The following CREB3L2 variants were observed in gnomAD, a reference collection of about 807,000 sequenced individuals.
CREB3L2 encodes the protein cyclic AMP-responsive element-binding protein 3-like protein 2.
CREB3L2 carries 23 observed loss-of-function variants against 57.2 expected under a neutral mutation model. That is an observed-to-expected ratio of 0.40 (90% CI 0.29 to 0.57). The LOEUF is 0.57. Among genes scored for constraint, CREB3L2 ranks in the 20% least tolerant of loss-of-function variants. The probability of loss-of-function intolerance (pLI) is 0.42; values close to 1 mark genes in which losing one functional copy is unlikely to be tolerated. For synonymous variants in CREB3L2, 268 were observed against 265.1 expected (o/e 1.01, Z -0.11); for missense variants, 628 against 634.7 (o/e 0.99, Z 0.11).
rs532139233 is a variant in CREB3L2, at chr7:137,879,168, TA to T, written c.*1307del. 239 of 444,602 alleles carry T rather than the reference TA, an allele frequency of 5.4e-4. No individual in the cohort carries two copies. Among genetic ancestry groups the T allele is most frequent in the Admixed American group, 1.6e-3 (55 of 34,896 alleles). 27.5% of individuals were successfully genotyped at this position (444,602 alleles called of 1,614,324 possible). On this transcript the variant is annotated 3_prime_UTR_variant, in exon 12 of 12. Transcript: ENST00000330387. ...AAACTACAAAAGTTACTTTTAACCATAAAAAAAAAACAAAAAAACTAAAAGT... is the reference window on the plus strand; with the variant it reads ...AAACTACAAAAGTTACTTTTAACCATAAAAAAAAACAAAAAAACTAAAAGT...
chr7:137,978,623 C>T (rs1173707751), intron 1 of CREB3L2, among the ~76,000 whole-genome samples: 3 of 152,128 alleles, frequency 2.0e-5, no homozygotes, highest in East Asian at 1.9e-4. Flanking sequence ...GGGAAAAGAA[C>T]GTAAGACACT....
intron 1 of CREB3L2, among the ~76,000 whole-genome samples, chr7:137,989,984 G>A (rs916590474): frequency 1.3e-5 from 2 of 152,172 alleles, no homozygotes; most frequent in Non-Finnish European, 2.9e-5. Flanking sequence ...GAAATAGCCA[G>A]CCAGAAGATC....
At chr7:137,982,016 AG>A (rs1387255520) in intron 1 of CREB3L2, among the ~76,000 whole-genome samples, 1 of 152,082 alleles carries the variant, frequency 6.6e-6, no homozygotes, top group Admixed American at 6.5e-5. Flanking sequence ...GGAATGCTCC[AG>A]GGGGATGGGG....
chr7:137,913,143 G>A (rs1284505602), intron 3 of CREB3L2, 65 bp from the exon 4 acceptor site: 73 of 1,508,756 alleles, frequency 4.8e-5, no homozygotes, highest in Non-Finnish European at 9.0e-6. Flanking sequence ...ACATGCAGGA[G>A]AGCTATTTGT....
intron 1 of CREB3L2, among the ~76,000 whole-genome samples, chr7:137,931,897 T>A (rs1248436225): frequency 6.6e-6 from 1 of 152,250 alleles, no homozygotes; most frequent in Non-Finnish European, 1.5e-5. Flanking sequence ...TTTTACATGG[T>A]TGCTGCTGTA....
intron 1 of CREB3L2, among the ~76,000 whole-genome samples, chr7:137,994,134 A>C (rs1034747576): frequency 1.3e-5 from 2 of 152,216 alleles, no homozygotes; most frequent in African/African-American, 2.4e-5. Context: ...TCCCTCACTC[A>C]TAAGATCACT....
chr7:137,904,048 A>G, intron 6 of CREB3L2, 31 bp from the exon 7 acceptor site: 2 of 1,569,560 alleles, frequency 1.3e-6, no homozygotes, highest in Non-Finnish European at 1.8e-6. Context: ...GAGAATGATT[A>G]ATTTCCAGCT....
intron 1 of CREB3L2, among the ~76,000 whole-genome samples, chr7:137,973,968 A>T (rs1004403380): frequency 8.5e-5 from 13 of 152,210 alleles, no homozygotes; most frequent in African/African-American, 3.1e-4. Flanking sequence ...GCCAAGACCG[A>T]GAAATGATGG....
Position 137,877,766 on chromosome 7 carries a change from T to C in CREB3L2, c.*2710A>G, listed in dbSNP as rs1331986854. ...GAAATCTTTAGAGCTAATCATAAGT[T>C]AATGACTAGTCTAAGAGGCCACTTG... On this transcript the variant is annotated 3_prime_UTR_variant, in exon 12 of 12. Coordinates refer to ENST00000330387, the MANE Select transcript of CREB3L2 (RefSeq NM_194071.4). 5 of 228,510 alleles carry C rather than the reference T, an allele frequency of 2.2e-5. No individual in the cohort carries two copies. In the Admixed American group the frequency reaches 2.8e-4, roughly 13 times the overall value. 14.2% of individuals were successfully genotyped at this position (228,510 alleles called of 1,614,324 possible).
intron 1 of CREB3L2, among the ~76,000 whole-genome samples, chr7:137,998,849 T>TG (rs747769385): frequency 6.6e-6 from 1 of 152,214 alleles, no homozygotes; most frequent in Non-Finnish European, 1.5e-5. Flanking sequence ...AAACCAAGTG[T>TG]GGACCCCGTG....
rs1799273324 is a variant in CREB3L2, at chr7:137,880,529, T to C, written c.1510A>G (p.Asn504Asp). The C allele has an allele frequency of 6.2e-7, 1 of 1,613,720 alleles. No individual in the cohort carries two copies. The highest frequency in any genetic ancestry group is 8.5e-7 in the Non-Finnish European group (1 of 1,179,882). ...AGTTCTACAACTTTTAGTGTTTCATTCCCCTCCAGTTTGGCGCTGACCCTG... is the reference window on the plus strand; with the variant it reads ...AGTTCTACAACTTTTAGTGTTTCATCCCCCTCCAGTTTGGCGCTGACCCTG... ...QHLVSAKLEG[N>D]ETLKVVELDR... The change falls in exon 12 of 12, where the codon AAT becomes GAT. Residue 504 changes from asparagine (N) to aspartate (D), a missense_variant. Asn to Asp is a conservative substitution (Grantham distance 23, BLOSUM62 1). Transcript: ENST00000330387. This position sits in a 1 kb window ranked among gnomAD's most constrained non-coding sequence, Gnocchi z 4.0.
At chr7:137,929,082 C>A (rs1370907984) in intron 1 of CREB3L2, among the ~76,000 whole-genome samples, 2 of 152,192 alleles carry the variant, frequency 1.3e-5, no homozygotes, top group African/African-American at 4.8e-5. Flanking sequence ...TCTAGTCTCC[C>A]CATGGGCTAG....
intron 1 of CREB3L2, among the ~76,000 whole-genome samples, chr7:137,967,457 G>A (rs1422663649): frequency 6.6e-6 from 1 of 152,200 alleles, no homozygotes; most frequent in African/African-American, 2.4e-5. Context: ...ACTACTAGCG[G>A]ATGTAAAAGG....
At chr7:137,975,236 T>G (rs1563270985) in intron 1 of CREB3L2, among the ~76,000 whole-genome samples, 1 of 152,188 alleles carries the variant, frequency 6.6e-6, no homozygotes, top group Non-Finnish European at 1.5e-5. Context: ...CAGGAGGAGT[T>G]TAATCCATAT....
intron 7 of CREB3L2, among the ~76,000 whole-genome samples, chr7:137,902,772 G>A (rs1209496096): frequency 6.8e-6 from 1 of 147,718 alleles, no homozygotes; most frequent in Non-Finnish European, 1.5e-5. Flanking sequence ...ATTTATAGTT[G>A]TATTATTTTT....
intron 5 of CREB3L2, 76 bp from the exon 6 acceptor site, chr7:137,905,924 G>T: frequency 1.5e-6 from 2 of 1,373,364 alleles, no homozygotes; most frequent in Non-Finnish European, 9.9e-7. Context: ...CCAATGGGAT[G>T]ATGAGAATCT....
rs2117343674 is a variant in CREB3L2, at chr7:138,001,933, C to T, written c.-228G>A. 8.9e-6 allele frequency: 4 copies of T among 450,056 alleles called. No homozygotes were observed. In the East Asian group the frequency reaches 1.4e-4, roughly 16 times the overall value. 27.9% of individuals were successfully genotyped at this position (450,056 alleles called of 1,614,324 possible). On this transcript the variant is annotated 5_prime_UTR_variant, in exon 1 of 12. Transcript: ENST00000330387. The surrounding 1 kb of genome is among the most constrained non-coding windows in gnomAD (Gnocchi z 4.2). ...ATCCGAGAATCCCCAGGGACACGAGCCGGACCAAAGGCTGCCGGGGCTAAA... is the reference window on the plus strand; with the variant it reads ...ATCCGAGAATCCCCAGGGACACGAGTCGGACCAAAGGCTGCCGGGGCTAAA...
chr7:137,946,868 ATATATAGTTATC>A (rs1242249244), intron 1 of CREB3L2, among the ~76,000 whole-genome samples: 21 of 56,434 alleles, frequency 3.7e-4, no homozygotes, highest in African/African-American at 1.8e-3. Context: ...ATATAGTTAT[ATATATAGTTATC>A]TATATAGTTA....
intron 1 of CREB3L2, among the ~76,000 whole-genome samples, chr7:137,977,100 A>G (rs1801621970): frequency 6.6e-6 from 1 of 152,188 alleles, no homozygotes; most frequent in African/African-American, 2.4e-5. Flanking sequence ...CCACACTTAA[A>G]CACGGCCCCT....
Sources: gnomAD v4.1 joint callset for allele counts (sites outside exome capture counted in the v4.1 genomes callset) on GRCh38, gnomAD v4.1.1 for gene constraint, Gnocchi (gnomAD v3.1) non-coding constraint, MANE v1.5 for transcripts, NCBI Gene and HGNC (gene_info 2026-07-23, HGNC 2026-07-21) for gene names.